CNTN5: variants seen among roughly 807,000 people sequenced by gnomAD.
CNTN5 encodes the protein contactin-5.
Under a neutral mutation model 129.1 loss-of-function variants are expected in CNTN5, and 77 were observed. That is an observed-to-expected ratio of 0.60 (90% CI 0.50 to 0.72). The LOEUF (loss-of-function observed/expected upper bound fraction) is 0.72. CNTN5 is among the 30% of genes least tolerant of loss of function. The pLI is 0.00. For missense variants in CNTN5, 1,478 were observed against 1,328.8 expected, an observed-to-expected ratio of 1.11 and a Z score of -1.75; for synonymous variants, 509 against 465.6, an observed-to-expected ratio of 1.09 and a Z score of -1.20.
intron 7 of CNTN5, among the ~76,000 whole-genome samples, chr11:99,945,960 G>GA (rs112670483): frequency 6.3e-4 from 94 of 149,088 alleles, no homozygotes; most frequent in Middle Eastern, 6.9e-3. Flanking sequence ...GTACAAGCAT[G>GA]AAAAAAAAAA....
chr11:99,251,216 T>C (rs1276537933), intron 1 of CNTN5, among the ~76,000 whole-genome samples: 1 of 151,940 alleles, frequency 6.6e-6, no homozygotes, highest in Non-Finnish European at 1.5e-5. Flanking sequence ...TATTTTGCTG[T>C]CTCATCTTCC....
chr11:99,532,758 A>G (rs1458283957), intron 2 of CNTN5, among the ~76,000 whole-genome samples: 2 of 152,322 alleles, frequency 1.3e-5, no homozygotes, highest in South Asian at 2.1e-4. Flanking sequence ...GCCCTCTGCC[A>G]TGATTATAAG....
intron 2 of CNTN5, among the ~76,000 whole-genome samples, chr11:99,527,532 A>G (rs1200566730): frequency 6.6e-6 from 1 of 152,178 alleles, no homozygotes; most frequent in Non-Finnish European, 1.5e-5. Flanking sequence ...GACTTCCAGT[A>G]TGAATATGGA....
At chr11:99,282,479 T>G (rs947099652) in intron 1 of CNTN5, among the ~76,000 whole-genome samples, 28 of 152,092 alleles carry the variant, frequency 1.8e-4, no homozygotes, top group African/African-American at 6.7e-4. Flanking sequence ...AAGGAAATCT[T>G]GAGCAAAAGA....
chr11:100,319,028 A>G (rs1951626805), intron 21 of CNTN5, among the ~76,000 whole-genome samples: 1 of 152,174 alleles, frequency 6.6e-6, no homozygotes, highest in South Asian at 2.1e-4. Context: ...TTGTCTAACC[A>G]TAATCCAGTC....
chr11:100,102,102 T>G (rs1026080908), intron 13 of CNTN5, among the ~76,000 whole-genome samples: 9 of 152,178 alleles, frequency 5.9e-5, no homozygotes, highest in Admixed American at 5.9e-4. Context: ...GTAGTAGGAT[T>G]GCTGAATTGA....
chr11:100,271,745 T>C (rs1292959753), intron 18 of CNTN5, among the ~76,000 whole-genome samples: 1 of 152,164 alleles, frequency 6.6e-6, no homozygotes, highest in Non-Finnish European at 1.5e-5. Flanking sequence ...ATATGTAAAA[T>C]AAATACCAAT....
chr11:99,131,534 A>T (rs1380179993), intron 1 of CNTN5, among the ~76,000 whole-genome samples: 1 of 152,058 alleles, frequency 6.6e-6, no homozygotes, highest in Admixed American at 6.6e-5. Flanking sequence ...AAGAGAGAAG[A>T]TTCAAATATA....
chr11:100,342,578 C>T (rs932811021), intron 23 of CNTN5, among the ~76,000 whole-genome samples: 7 of 152,070 alleles, frequency 4.6e-5, no homozygotes, highest in African/African-American at 1.7e-4. Context: ...GGATCCCAGG[C>T]TAGGTGCCAC....
chr11:99,964,326 C>T lies in CNTN5; in HGVS notation c.877+7317C>T, dbSNP rs534186830. Among the ~76,000 whole-genome samples the T allele has an allele frequency of 5.7e-4, 86 of 152,198 alleles. 1 individual carries two copies. Among genetic ancestry groups the T allele is most frequent in the African/African-American group, 1.8e-3 (76 of 41,544 alleles). Reference sequence around the variant, plus strand: ...CATAGATAGCTTTTATTTTGAGATACGTCCCATCAATACCTAATTTATTGA... The same window carrying T: ...CATAGATAGCTTTTATTTTGAGATATGTCCCATCAATACCTAATTTATTGA... On this transcript the variant is annotated intron_variant, in intron 8 of 24. Coordinates refer to ENST00000524871, the MANE Select transcript of CNTN5 (RefSeq NM_014361.4).
intron 16 of CNTN5, among the ~76,000 whole-genome samples, chr11:100,253,734 T>C (rs933029517): frequency 6.6e-6 from 1 of 152,154 alleles, no homozygotes; most frequent in Non-Finnish European, 1.5e-5. Flanking sequence ...TAGTCGCTAT[T>C]TTAGTGGCTT....
intron 4 of CNTN5, among the ~76,000 whole-genome samples, chr11:99,825,061 A>G (rs1946911490): frequency 1.3e-5 from 2 of 152,026 alleles, no homozygotes; most frequent in Admixed American, 1.3e-4. Flanking sequence ...GTTCTTGCTC[A>G]TATGGCGTTG....
At chr11:100,212,966 G>A (rs1398141155) in intron 15 of CNTN5, among the ~76,000 whole-genome samples, 1 of 151,942 alleles carries the variant, frequency 6.6e-6, no homozygotes. Flanking sequence ...AATGCAGGAG[G>A]AACTTCAAAC....
chr11:100,072,990 C>CAAAAAAAAAAAAAAAA lies in CNTN5; in HGVS notation c.1430-1148_1430-1133dup, dbSNP rs61042118. Among the ~76,000 whole-genome samples, 196 of 79,054 alleles carry CAAAAAAAAAAAAAAAA rather than the reference C, an allele frequency of 2.5e-3. 31 individuals carry two copies. The highest frequency in any genetic ancestry group is 0.011 in the African/African-American group (177 of 16,506). 51.9% of individuals were successfully genotyped at this position (79,054 alleles called of 152,430 possible). On this transcript the variant is annotated intron_variant, in intron 12 of 24. Transcript: ENST00000524871. Reference sequence around the variant, plus strand: ...TTTTGTAAATTCTATTCCCAGGAGGCAAAAAAAAAAAAAAAAAAAAAGTTA... The same window carrying CAAAAAAAAAAAAAAAA: ...TTTTGTAAATTCTATTCCCAGGAGGCAAAAAAAAAAAAAAAAAAAAAAAAAAAAAAAAAAAAAGTTA...
chr11:100,186,882 C>A (rs1456782007), intron 13 of CNTN5, among the ~76,000 whole-genome samples: 2 of 151,984 alleles, frequency 1.3e-5, no homozygotes, highest in African/African-American at 4.8e-5. Flanking sequence ...TGTGCAATAA[C>A]CAGACATTGT....
At chr11:99,937,624 G>A (rs934329155) in intron 7 of CNTN5, among the ~76,000 whole-genome samples, 6 of 152,226 alleles carry the variant, frequency 3.9e-5, no homozygotes, top group South Asian at 2.1e-4. Context: ...AGAGAAAGAC[G>A]GAAGGAGAAA....
intron 1 of CNTN5, among the ~76,000 whole-genome samples, chr11:99,233,694 T>A (rs966323131): frequency 6.6e-6 from 1 of 152,174 alleles, no homozygotes; most frequent in Non-Finnish European, 1.5e-5. Context: ...ACGCCTGTAA[T>A]CCCAGCACTT....
At chr11:99,606,021 C>T (rs1950402621) in intron 3 of CNTN5, among the ~76,000 whole-genome samples, 1 of 61,302 alleles carries the variant, frequency 1.6e-5, no homozygotes, top group African/African-American at 5.9e-5. Flanking sequence ...GAAGCATTCC[C>T]TTTGAAAACT....
At chr11:99,780,800 G>A (rs1448122719) in intron 3 of CNTN5, among the ~76,000 whole-genome samples, 1 of 152,048 alleles carries the variant, frequency 6.6e-6, no homozygotes, top group Non-Finnish European at 1.5e-5. Context: ...AACACACTGT[G>A]CCACACTGTC....
Sources: gnomAD v4.1 joint callset for allele counts (sites outside exome capture counted in the v4.1 genomes callset) on GRCh38, gnomAD v4.1.1 for gene constraint, MANE v1.5 for transcripts, NCBI Gene and HGNC (gene_info 2026-07-23, HGNC 2026-07-21) for gene names.